Variants in SSBP3 observed in about 807,000 individuals in gnomAD.
SSBP3 encodes the protein single-stranded DNA-binding protein 3.
Under a neutral mutation model 69.6 loss-of-function variants are expected in SSBP3, and 5 were observed. The ratio of observed to expected loss-of-function variants is 0.07; its 90% CI spans 0.04 to 0.15. SSBP3 has a LOEUF of 0.15. SSBP3 is among the 10% of genes least tolerant of loss of function. The probability of loss-of-function intolerance (pLI) is 1.00; values close to 1 mark genes in which losing one functional copy is unlikely to be tolerated. For synonymous variants in SSBP3, 196 were observed against 193.4 expected, an observed-to-expected ratio of 1.01 and a Z score of -0.11; for missense variants, 312 against 534.0, an observed-to-expected ratio of 0.58 and a Z score of 4.10.
intron 5 of SSBP3, among the ~76,000 whole-genome samples, chr1:54,271,137 G>A (rs888449249): frequency 6.6e-6 from 1 of 152,130 alleles, no homozygotes; most frequent in Non-Finnish European, 1.5e-5. Context: ...CTGAGACAGG[G>A]TCTTGCTCTG....
upstream of SSBP3, among the ~76,000 whole-genome samples, chr1:54,408,681 T>G (rs1048652679): frequency 6.6e-6 from 1 of 152,242 alleles, no homozygotes; most frequent in Non-Finnish European, 1.5e-5. Flanking sequence ...TTAGAAGATA[T>G]ACAGTATCTC....
intron 4 of SSBP3, among the ~76,000 whole-genome samples, chr1:54,320,383 T>C (rs2100367354): frequency 6.6e-6 from 1 of 152,306 alleles, no homozygotes; most frequent in Non-Finnish European, 1.5e-5. Context: ...AATGACGCGA[T>C]CTTGGCTCTT....
intron 5 of SSBP3, among the ~76,000 whole-genome samples, chr1:54,269,008 C>G (rs1052413612): frequency 1.3e-5 from 2 of 152,176 alleles, no homozygotes; most frequent in Non-Finnish European, 2.9e-5. Context: ...TATCAGGAGT[C>G]AAGTACTTAG....
chr1:54,260,353 C>T lies in SSBP3; in HGVS notation c.367-2204G>A, dbSNP rs192209837. Among the ~76,000 whole-genome samples, 735 of 152,318 alleles carry T rather than the reference C, an allele frequency of 4.8e-3. 4 individuals are homozygous for T. The highest frequency in any genetic ancestry group is 6.2e-3 in the African/African-American group (257 of 41,570). On this transcript the variant is annotated intron_variant, in intron 5 of 17. Coordinates refer to ENST00000610401, the Ensembl canonical transcript of SSBP3. ...CTGGTAACTGAGTGCTTCCTCAGGG[C>T]GAGCAGTGGGGCTCTGGGCAAGCCC...
chr1:54,378,865 A>C (rs2100712425), intron 4 of SSBP3, among the ~76,000 whole-genome samples: 1 of 152,334 alleles, frequency 6.6e-6, no homozygotes, highest in South Asian at 2.1e-4. Flanking sequence ...TCCTCCTCCG[A>C]GGAAGGAACT....
chr1:54,391,185 C>A (rs1648467161), intron 4 of SSBP3, among the ~76,000 whole-genome samples: 1 of 152,222 alleles, frequency 6.6e-6, no homozygotes, highest in African/African-American at 2.4e-5. Flanking sequence ...ACATCTGAAA[C>A]AGCCTTCTCA....
At chr1:54,294,164 AAAGAAAG>A (rs1557504868) in intron 4 of SSBP3, among the ~76,000 whole-genome samples, 1,160 of 67,674 alleles carry the variant, frequency 0.017, 89 homozygotes, top group African/African-American at 0.05. Flanking sequence ...AAAAAAAAAG[AAAGAAAG>A]AAAGAAAGAA....
rs538923081 is a variant in SSBP3, at chr1:54,313,143, A to T, written c.277-31616T>A. Among the ~76,000 whole-genome samples the T allele has an allele frequency of 1.3e-3, 198 of 151,938 alleles. 1 individual carries two copies. Among genetic ancestry groups the T allele is most frequent in the African/African-American group, 4.6e-3 (189 of 41,390 alleles). ...TCTGATTTGTAGAAGTGAACAATCC[A>T]AGACAATGGGTGTACAACGGCAGAG... On this transcript the variant is annotated intron_variant, in intron 4 of 17. Coordinates refer to ENST00000610401, the Ensembl canonical transcript of SSBP3.
intron 4 of SSBP3, among the ~76,000 whole-genome samples, chr1:54,389,817 T>C (rs1445559122): frequency 6.6e-6 from 1 of 151,880 alleles, no homozygotes; most frequent in Non-Finnish European, 1.5e-5. Flanking sequence ...AAGCTGAGGC[T>C]GCAGTGAGCC....
At chr1:54,311,947 C>T (rs1324062577) in intron 4 of SSBP3, among the ~76,000 whole-genome samples, 1 of 152,182 alleles carries the variant, frequency 6.6e-6, no homozygotes, top group Admixed American at 6.5e-5. Flanking sequence ...CTCTCAGATC[C>T]ATCTAAGCCT....
chr1:54,286,644 G>GT (rs1645494986), intron 4 of SSBP3: 1 of 152,338 alleles, frequency 6.6e-6, no homozygotes. Flanking sequence ...ATCCCACTCC[G>GT]TAAGGACACC....
At chr1:54,256,032 C>T (rs1261824047) in intron 7 of SSBP3, among the ~76,000 whole-genome samples, 1 of 151,830 alleles carries the variant, frequency 6.6e-6, no homozygotes, top group Non-Finnish European at 1.5e-5. Context: ...GCAGAGATTG[C>T]ACCACTGCAC....
At chr1:54,313,277 A>C (rs544415463) in intron 4 of SSBP3, among the ~76,000 whole-genome samples, 1 of 152,014 alleles carries the variant, frequency 6.6e-6, no homozygotes, top group Non-Finnish European at 1.5e-5. Context: ...AGGGGGCTGC[A>C]GCCTCTGCCT....
At chr1:54,319,023 T>C (rs780347433) in intron 4 of SSBP3, among the ~76,000 whole-genome samples, 1 of 152,122 alleles carries the variant, frequency 6.6e-6, no homozygotes, top group Non-Finnish European at 1.5e-5. Flanking sequence ...GCCGAATCCT[T>C]AGTGTTCTAG....
intron 6 of SSBP3, 132 bp downstream of exon 6, chr1:54,257,937 A>C (rs909452065): frequency 1.2e-6 from 1 of 835,612 alleles, no homozygotes; most frequent in Admixed American, 3.7e-5. Context: ...ATTTCTAAAA[A>C]AATTTAATTT....
chr1:54,336,682 G>A (rs979694447), intron 4 of SSBP3, among the ~76,000 whole-genome samples: 1 of 152,226 alleles, frequency 6.6e-6, no homozygotes, highest in African/African-American at 2.4e-5. Flanking sequence ...CGCAAGTCAA[G>A]GGGAACTTGA....
At chr1:54,266,341 A>G (rs1012129717) in intron 5 of SSBP3, among the ~76,000 whole-genome samples, 6 of 152,260 alleles carry the variant, frequency 3.9e-5, no homozygotes, top group African/African-American at 1.4e-4. Context: ...CTAGCCTGCC[A>G]CCTGTTTTTA....
intron 4 of SSBP3, among the ~76,000 whole-genome samples, chr1:54,316,746 G>A (rs1237916539): frequency 1.3e-5 from 2 of 151,170 alleles, no homozygotes; most frequent in Non-Finnish European, 2.9e-5. Flanking sequence ...GTCTTAGTCT[G>A]TTCTTGCTAC....
intron 1 of SSBP3, among the ~76,000 whole-genome samples, 189 bp from the exon 2 acceptor site, chr1:54,405,119 G>C (rs929429916): frequency 6.6e-6 from 1 of 152,162 alleles, no homozygotes; most frequent in Non-Finnish European, 1.5e-5. Context: ...GGGGACCAGG[G>C]AACGCGTTAC....
Sources: gnomAD v4.1 joint callset for allele counts (sites outside exome capture counted in the v4.1 genomes callset) on GRCh38, gnomAD v4.1.1 for gene constraint, MANE v1.5 for transcripts, NCBI Gene and HGNC (gene_info 2026-07-23, HGNC 2026-07-21) for gene names.